The following PKP4 variants were observed in gnomAD, a reference collection of about 807,000 sequenced individuals.
PKP4 encodes the protein plakophilin 4.
Under a neutral mutation model 145.1 loss-of-function variants are expected in PKP4, and 90 were observed. The observed-to-expected ratio is 0.62, with a 90% CI of 0.52 to 0.74. PKP4 has a LOEUF of 0.74. Ranked by LOEUF, PKP4 falls within the 30% of genes least tolerant of loss-of-function variation. The pLI, the probability that PKP4 is intolerant of heterozygous loss-of-function variation, is 0.00. For missense variants in PKP4, 1,340 were observed against 1,482.7 expected (o/e 0.90, Z 1.58); for synonymous variants, 563 against 577.2 (o/e 0.98, Z 0.35).
chr2:158,633,832 G>A (rs1021538499), intron 8 of PKP4, among the ~76,000 whole-genome samples: 26 of 151,966 alleles, frequency 1.7e-4, no homozygotes, highest in Admixed American at 3.3e-4. Context: ...TACTATATAA[G>A]CAGATTTGTA....
intron 1 of PKP4, among the ~76,000 whole-genome samples, chr2:158,461,178 C>T (rs1487280803): frequency 6.6e-6 from 1 of 152,110 alleles, no homozygotes. Flanking sequence ...TATTTCTTAC[C>T]TTGTCACTTT....
intron 12 of PKP4, chr2:158,661,109 G>A (rs1391121641): frequency 4.7e-6 from 2 of 424,732 alleles, no homozygotes; most frequent in Non-Finnish European, 8.8e-6. Context: ...CACGTCATGA[G>A]AGAGATACAG....
chr2:158,590,740 G>C (rs913540767), intron 3 of PKP4, among the ~76,000 whole-genome samples: 1 of 152,060 alleles, frequency 6.6e-6, no homozygotes, highest in Non-Finnish European at 1.5e-5. Context: ...AATAAGTCTA[G>C]AAGTTAACTT....
At chr2:158,569,563 A>C (rs1211090192) in intron 2 of PKP4, among the ~76,000 whole-genome samples, 1 of 152,156 alleles carries the variant, frequency 6.6e-6, no homozygotes, top group Admixed American at 6.5e-5. Context: ...AAGTGATTAA[A>C]ATTTTGTTTT....
intron 19 of PKP4, among the ~76,000 whole-genome samples, chr2:158,675,032 A>G (rs555634964): frequency 6.0e-4 from 91 of 152,282 alleles, no homozygotes; most frequent in African/African-American, 2.0e-3. Context: ...CTTGAAAGAA[A>G]CCTACGTGTC....
intron 2 of PKP4, among the ~76,000 whole-genome samples, chr2:158,574,749 T>G (rs1048606155): frequency 6.6e-6 from 1 of 152,206 alleles, no homozygotes; most frequent in Admixed American, 6.5e-5. Flanking sequence ...TGAGAAGTTG[T>G]GGGCACGTAA....
chr2:158,673,937 C>G lies in PKP4; in HGVS notation c.3064C>G (p.Arg1022Gly). Residue 1022 changes from arginine to glycine, a missense_variant, in exon 19 of 22, where the codon CGA becomes GGA. By Grantham distance (125) the Arg-to-Gly change is moderately radical (BLOSUM62 -2). Coordinates refer to ENST00000389759, the MANE Select transcript of PKP4 (RefSeq NM_003628.6). ...ACCTGTGTCGACATTGGAGCGAGAC[C>G]GATTCAAATCACATCCTTCCTTGTC... is the stretch of plus-strand genomic sequence containing the variant. ...ITPVSTLERD[R>G]FKSHPSLSTT... 5.0e-6 allele frequency: 8 copies of G among 1,613,192 alleles called. No homozygotes were observed. Among genetic ancestry groups the G allele is most frequent in the Non-Finnish European group, 6.8e-6 (8 of 1,179,138 alleles).
intron 2 of PKP4, among the ~76,000 whole-genome samples, chr2:158,573,129 A>G (rs1216137843): frequency 6.6e-6 from 1 of 152,262 alleles, no homozygotes; most frequent in Non-Finnish European, 1.5e-5. Context: ...ATGAGAACAT[A>G]TAAAGACATT....
chr2:158,632,734 G>A (rs1371993920), intron 8 of PKP4: 1 of 152,084 alleles, frequency 6.6e-6, no homozygotes, highest in Non-Finnish European at 1.5e-5. Context: ...CACCAGAGTG[G>A]GGAAGACTGT....
In PKP4 at chr2:158,642,155, G is replaced by T. The variant is rs143657525; in HGVS notation, c.1696-331G>T. 6.8e-3 allele frequency among the ~76,000 whole-genome samples: 1,042 copies of T among 152,246 alleles called. 3 individuals are homozygous for T. Among genetic ancestry groups the T allele is most frequent in the Non-Finnish European group, 0.011 (737 of 68,010 alleles). ...TTGTGCCTCAGCCTTCCAAGTAGTT[G>T]GGATTACAGGCGTGTGCCTCAACAC... On this transcript the variant is annotated intron_variant, in intron 10 of 21. Transcript: ENST00000389759.
intron 7 of PKP4, among the ~76,000 whole-genome samples, chr2:158,631,501 A>G (rs1384297208): frequency 6.6e-6 from 1 of 151,972 alleles, no homozygotes; most frequent in African/African-American, 2.4e-5. Flanking sequence ...TTCCAGTTTC[A>G]GACTCCTGAG....
intron 17 of PKP4, among the ~76,000 whole-genome samples, chr2:158,672,111 A>G (rs2057615752): frequency 6.6e-6 from 1 of 152,224 alleles, no homozygotes; most frequent in Non-Finnish European, 1.5e-5. Context: ...AGGGCACCGC[A>G]TCCCCTCTGC....
At chr2:158,463,252 C>T (rs150708693) in intron 1 of PKP4, among the ~76,000 whole-genome samples, 5 of 152,142 alleles carry the variant, frequency 3.3e-5, no homozygotes, top group Non-Finnish European at 5.9e-5. Context: ...ACAATTATTG[C>T]GTTTGTAATC....
intron 1 of PKP4, among the ~76,000 whole-genome samples, chr2:158,483,775 A>T (rs529835441): frequency 1.1e-5 from 1 of 93,182 alleles, no homozygotes; most frequent in East Asian, 3.8e-4. Context: ...TTGAATTTGG[A>T]ATTATGTTCT....
intron 1 of PKP4, among the ~76,000 whole-genome samples, chr2:158,514,077 A>C (rs750566997): frequency 2.0e-5 from 3 of 152,218 alleles, no homozygotes; most frequent in Non-Finnish European, 4.4e-5. Context: ...CAGCATCATA[A>C]TGGCCACAAA....
intron 1 of PKP4, among the ~76,000 whole-genome samples, chr2:158,508,386 A>G (rs1277266485): frequency 3.7e-4 from 10 of 27,098 alleles, no homozygotes; most frequent in African/African-American, 7.1e-4. Flanking sequence ...AAAAAAAAAA[A>G]AAGAAGAAGA....
intron 11 of PKP4, among the ~76,000 whole-genome samples, chr2:158,649,401 A>G (rs1159477355): frequency 6.6e-6 from 1 of 152,188 alleles, no homozygotes; most frequent in Non-Finnish European, 1.5e-5. Context: ...CCAAAAAGGG[A>G]AAAGAAAAAA....
At chr2:158,624,234 T>G (rs2052539133) in intron 6 of PKP4, among the ~76,000 whole-genome samples, 1 of 152,196 alleles carries the variant, frequency 6.6e-6, no homozygotes, top group South Asian at 2.1e-4. Flanking sequence ...TCAACAAATT[T>G]GCCTAGAGCA....
rs1309001382 is a variant in PKP4, at chr2:158,591,739, TCTAA to T, written c.246-11328_246-11325del. ...ATTTAAATAAATGTCATTTATTAGC[TCTAA>T]CTTTTACCATTTAGAGATTATAAAT... On this transcript the variant is annotated intron_variant, in intron 3 of 21. Transcript: ENST00000389759. 1.2e-4 allele frequency among the ~76,000 whole-genome samples: 18 copies of T among 152,208 alleles called. No homozygotes were observed. In the South Asian group the frequency reaches 1.7e-3, roughly 14 times the overall value.
Sources: allele counts gnomAD v4.1 joint callset (sites outside exome capture counted in the v4.1 genomes callset), GRCh38; gene constraint gnomAD v4.1.1; transcripts MANE v1.5; gene names NCBI Gene and HGNC (gene_info 2026-07-23, HGNC 2026-07-21).